Variants in JHY observed in about 807,000 individuals in gnomAD.
JHY encodes junctional cadherin complex regulator.
In JHY, 69 loss-of-function variants were observed where a neutral mutation model predicts 78.0. That is an observed-to-expected ratio of 0.88 (90% CI 0.73 to 1.08). JHY has a LOEUF of 1.08. JHY is among the 50% of genes least tolerant of loss of function. The pLI, the probability that JHY is intolerant of heterozygous loss-of-function variation, is 0.00. For missense variants in JHY, 944 were observed against 927.8 expected (o/e 1.02, Z -0.23); for synonymous variants, 368 against 342.6 (o/e 1.07, Z -0.82).
chr11:122,946,185 G>A (rs1386839490), intron 5 of JHY, among the ~76,000 whole-genome samples: 4 of 152,152 alleles, frequency 2.6e-5, no homozygotes, highest in Non-Finnish European at 5.9e-5. Flanking sequence ...TTTAAAGGAT[G>A]TTTAATGTAA....
chr11:122,948,462 A>C (rs138401625), intron 6 of JHY, among the ~76,000 whole-genome samples: 1 of 145,710 alleles, frequency 6.9e-6, no homozygotes, highest in African/African-American at 2.7e-5. Flanking sequence ...TAATAATAAT[A>C]ATAATAATAA....
Position 122,961,517 on chromosome 11 carries a change from G to T in JHY, c.*2072G>T, listed in dbSNP as rs1411097365. ...TTGCAAGCGTGCACTACCACGCCCG[G>T]CTAATTTTTATACTTTTAGTAGAGG... On this transcript the variant is annotated 3_prime_UTR_variant, in exon 9 of 9. Transcript: ENST00000227349. Among the ~76,000 whole-genome samples the T allele has an allele frequency of 6.6e-6, 1 of 152,082 alleles. No homozygotes were observed. Among genetic ancestry groups the T allele is most frequent in the Non-Finnish European group, 1.5e-5 (1 of 68,014 alleles).
chr11:122,939,792 A>G (rs1349432415), intron 5 of JHY, among the ~76,000 whole-genome samples: 1 of 152,064 alleles, frequency 6.6e-6, no homozygotes, highest in Non-Finnish European at 1.5e-5. Context: ...CAGAATCACA[A>G]TATTTTATCT....
intron 6 of JHY, 137 bp from the exon 7 acceptor site, chr11:122,956,359 G>A (rs999107118): frequency 2.0e-5 from 10 of 489,578 alleles, no homozygotes; most frequent in East Asian, 1.0e-4. Flanking sequence ...CAGGAAATGC[G>A]GCCATTCTCT....
chr11:122,953,280 T>A (rs1200700838), intron 6 of JHY, among the ~76,000 whole-genome samples: 1 of 151,880 alleles, frequency 6.6e-6, no homozygotes, highest in East Asian at 1.9e-4. Flanking sequence ...ACAGAAAAAA[T>A]GTACTATAGT....
intron 3 of JHY, among the ~76,000 whole-genome samples, chr11:122,912,631 A>C (rs1225053073): frequency 2.0e-5 from 3 of 151,634 alleles, no homozygotes; most frequent in Non-Finnish European, 4.4e-5. Context: ...AGTCCCAGCT[A>C]CTCCAGAGGC....
intron 4 of JHY, among the ~76,000 whole-genome samples, chr11:122,928,205 T>C (rs992002916): frequency 1.3e-5 from 2 of 152,180 alleles, no homozygotes; most frequent in African/African-American, 4.8e-5. Flanking sequence ...ATAATCCTAT[T>C]GCTTTTTTGG....
intron 3 of JHY, among the ~76,000 whole-genome samples, chr11:122,922,735 G>A (rs1029265452): frequency 2.9e-4 from 44 of 150,428 alleles, no homozygotes; most frequent in African/African-American, 9.1e-4. Context: ...GCGTGAACCC[G>A]GGAGGCGGAG....
intron 4 of JHY, among the ~76,000 whole-genome samples, chr11:122,930,072 A>G (rs2135348779): frequency 1.3e-5 from 2 of 152,132 alleles, no homozygotes; most frequent in Admixed American, 1.3e-4. Flanking sequence ...TGAGAAAGAG[A>G]TAGATTTTTC....
At chr11:122,915,405 C>A (rs759516158) in intron 3 of JHY, among the ~76,000 whole-genome samples, 1 of 152,182 alleles carries the variant, frequency 6.6e-6, no homozygotes, top group Admixed American at 6.5e-5. Flanking sequence ...CCAAGAAACC[C>A]GGAAGAAAAG....
At chr11:122,944,218 A>G (rs1863923376) in intron 5 of JHY, among the ~76,000 whole-genome samples, 1 of 152,160 alleles carries the variant, frequency 6.6e-6, no homozygotes, top group South Asian at 2.1e-4. Flanking sequence ...CAACCAAAAA[A>G]GCTACTTACA....
chr11:122,938,409 G>T (rs12284976), intron 5 of JHY, among the ~76,000 whole-genome samples: 23 of 138,870 alleles, frequency 1.7e-4, no homozygotes, highest in Middle Eastern at 3.8e-3. Context: ...GGATTTTTTT[G>T]TTGTTGTTTC....
Position 122,886,965 on chromosome 11 carries a change from A to G in JHY, c.344+772A>G, listed in dbSNP as rs536059972. On this transcript the variant is annotated intron_variant, in intron 2 of 8. Transcript: ENST00000227349. ...AATTTAAGGGATTTAACCTTGTGCTATGAGCTACCAAAAAAAAGTAAGGGA... is the reference window on the plus strand; with the variant it reads ...AATTTAAGGGATTTAACCTTGTGCTGTGAGCTACCAAAAAAAAGTAAGGGA... 2.0e-5 allele frequency among the ~76,000 whole-genome samples: 3 copies of G among 152,332 alleles called. No individual in the cohort carries two copies. The South Asian group carries it at 6.2e-4, about 32-fold the overall frequency.
chr11:122,949,665 G>A (rs1321798556), intron 6 of JHY, among the ~76,000 whole-genome samples: 1 of 151,928 alleles, frequency 6.6e-6, no homozygotes, highest in African/African-American at 2.4e-5. Flanking sequence ...CCCCACCTGG[G>A]GATCTTTGAA....
intron 3 of JHY, among the ~76,000 whole-genome samples, chr11:122,910,090 TA>T (rs34912893): frequency 2.1e-4 from 32 of 149,458 alleles, no homozygotes; most frequent in African/African-American, 3.7e-4. Flanking sequence ...CTGCAGCTGT[TA>T]AAAAAAAAAT....
chr11:122,907,925 T>G (rs568192662), intron 3 of JHY, among the ~76,000 whole-genome samples: 360 of 151,766 alleles, frequency 2.4e-3, no homozygotes, highest in Admixed American at 5.6e-3. Flanking sequence ...TTCTTTTTTG[T>G]TTTTTTTATA....
chr11:122,918,698 T>C (rs1321119761), intron 3 of JHY, among the ~76,000 whole-genome samples: 1 of 151,304 alleles, frequency 6.6e-6, no homozygotes, highest in Non-Finnish European at 1.5e-5. Flanking sequence ...ATATGTATTC[T>C]GATATAAATG....
intron 2 of JHY, among the ~76,000 whole-genome samples, chr11:122,902,697 CAA>C (rs756923437): frequency 1.3e-4 from 20 of 152,130 alleles, no homozygotes; most frequent in Non-Finnish European, 2.5e-4. Context: ...AGAGCAGGAC[CAA>C]GAGAGAGGGT....
intron 2 of JHY, among the ~76,000 whole-genome samples, chr11:122,888,721 A>G (rs933883479): frequency 6.6e-6 from 1 of 152,228 alleles, no homozygotes; most frequent in East Asian, 1.9e-4. Context: ...GAGGTAATCA[A>G]TACATACTCT....
Sources: allele counts gnomAD v4.1 joint callset (sites outside exome capture counted in the v4.1 genomes callset), GRCh38; gene constraint gnomAD v4.1.1; transcripts MANE v1.5; gene names NCBI Gene and HGNC (gene_info 2026-07-23, HGNC 2026-07-21).